Variants in VWF observed in about 807,000 individuals in gnomAD.
VWF encodes von Willebrand factor, also known as Factor VIII related antigen.
In VWF, 176 loss-of-function variants were observed where a neutral mutation model predicts 308.6. That is an observed-to-expected ratio of 0.57 (90% CI 0.50 to 0.65). The LOEUF (loss-of-function observed/expected upper bound fraction) is 0.65, where lower values mean the gene tolerates loss of function less well. Ranked by LOEUF, VWF falls within the 30% of genes least tolerant of loss-of-function variation. VWF has a pLI of 0.00. For synonymous variants in VWF, 1,385 were observed against 1,443.4 expected (o/e 0.96, Z 0.92); for missense variants, 3,146 against 3,648.2 (o/e 0.86, Z 3.55).
chr12:6,042,858 C>T (rs965816664), intron 18 of VWF, among the ~76,000 whole-genome samples: 2 of 152,182 alleles, frequency 1.3e-5, no homozygotes, highest in Admixed American at 6.5e-5. Context: ...CCGATGCTGA[C>T]ATAGTCCTCT....
rs990713039 is a variant in VWF at position 5,949,037 on chromosome 12, G to T, written c.8420C>A (p.Ser2807Tyr). ...GCCTCACTTGCTGCACTTCCTGGGG[G>T]AGCATTTGCACTCCATGGCATTGAG... is the stretch of plus-strand genomic sequence containing the variant. ...EVLNAMECKCSPRKCSK is the reference protein window; with the variant it reads ...EVLNAMECKCYPRKCSK The change falls in exon 52 of 52, where the codon TCC becomes TAC. Residue 2807 changes from serine (S) to tyrosine (Y), a missense_variant. Physicochemically the swap from Ser to Tyr is moderately radical, Grantham distance 144. This residue lies in a region of VWF where 989 missense variants were observed against 1,117.4 expected (regional missense o/e 0.89). Coordinates refer to ENST00000261405, the MANE Select transcript of VWF (RefSeq NM_000552.5). 1.2e-6 allele frequency: 2 copies of T among 1,613,696 alleles called. No individual in the cohort carries two copies. Among genetic ancestry groups the T allele is most frequent in the Non-Finnish European group, 1.7e-6 (2 of 1,179,848 alleles).
intron 8 of VWF, among the ~76,000 whole-genome samples, chr12:6,072,866 A>G (rs1055758814): frequency 3.5e-5 from 3 of 86,290 alleles, no homozygotes; most frequent in Non-Finnish European, 6.6e-5. Context: ...CTCACTCTCA[A>G]TAACTTTTTT....
At chr12:5,961,464 A>G (rs1311688103) in intron 47 of VWF, among the ~76,000 whole-genome samples, 1 of 151,608 alleles carries the variant, frequency 6.6e-6, no homozygotes, top group East Asian at 1.9e-4. Flanking sequence ...TGATTATATT[A>G]GCCAGTTTGA....
intron 6 of VWF, among the ~76,000 whole-genome samples, chr12:6,092,628 T>TGAGAGAGAGAGAGAGAGAGAGA (rs1565386731): frequency 8.0e-4 from 64 of 80,224 alleles, no homozygotes; most frequent in African/African-American, 4.4e-3. Flanking sequence ...AGTGTGTGTG[T>TGAGAGAGAGAGAGAGAGAGAGA]GTGTGTGTGT....
chr12:6,055,467 T>C (rs1275650572), intron 15 of VWF, among the ~76,000 whole-genome samples: 3 of 152,164 alleles, frequency 2.0e-5, no homozygotes, highest in Non-Finnish European at 2.9e-5. Flanking sequence ...CCAGACCCAG[T>C]TGTCCCAGCC....
chr12:5,968,405 C>A (rs190978454), intron 45 of VWF, among the ~76,000 whole-genome samples: 4 of 152,100 alleles, frequency 2.6e-5, no homozygotes, highest in Non-Finnish European at 5.9e-5. Flanking sequence ...CAAGTGACAG[C>A]GCTTGCTTAT....
At position 6,063,256 on chromosome 12, in the gene VWF, T is replaced by A. The variant is rs1268657117; in HGVS notation, c.1433-202A>T. ...CAAGGTGGACAGAGCGCAAATAGGG[T>A]CCCCCAGGAAGAAGCCTCTGCACCC... On this transcript the variant is annotated intron_variant, in intron 12 of 51. Coordinates refer to ENST00000261405, the MANE Select transcript of VWF (RefSeq NM_000552.5). This position sits in a 1 kb window ranked among gnomAD's most constrained non-coding sequence, Gnocchi z 4.9. Among the ~76,000 whole-genome samples the A allele has an allele frequency of 6.6e-6, 1 of 151,518 alleles. No homozygotes were observed. Among genetic ancestry groups the A allele is most frequent in the Non-Finnish European group, 1.5e-5 (1 of 67,852 alleles).
chr12:5,952,994 C>T (rs11063952), intron 48 of VWF, among the ~76,000 whole-genome samples: 13,448 of 152,074 alleles, frequency 0.088, 1,838 homozygotes, highest in African/African-American at 0.29. Context: ...TTTGGGAGGC[C>T]GAGGTGGGCG....
At chr12:6,110,253 A>C in intron 5 of VWF, 121 bp downstream of exon 5, 1 of 1,066,062 alleles carries the variant, frequency 9.4e-7, no homozygotes, top group Non-Finnish European at 1.5e-6. Flanking sequence ...TGGCAACATA[A>C]ATTGAGGTGA....
At position 6,056,232 on chromosome 12, in the gene VWF, C is replaced by CTGGG; in HGVS notation, c.1945+624_1945+625insCCCA. 1.5e-5 allele frequency among the ~76,000 whole-genome samples: 2 copies of CTGGG among 135,770 alleles called. 1 individual carries two copies. The allele number at this position is 135,770 out of a possible 152,430, so 89.1% of individuals were successfully genotyped here. ...GTTCCACATCATCACTGTTGCCCGA[C>CTGGG]CACACTGGGCATGCAGCAAATGTCC... On this transcript the variant is annotated intron_variant, in intron 15 of 51. Transcript: ENST00000261405.
chr12:6,056,363 T>C (rs12315340), intron 15 of VWF, among the ~76,000 whole-genome samples: 9,777 of 149,906 alleles, frequency 0.065, 842 homozygotes, highest in African/African-American at 0.2. Context: ...GGGACAGTGA[T>C]GTAATTCACC....
chr12:6,094,825 G>T (rs1289786743), intron 6 of VWF, among the ~76,000 whole-genome samples: 1 of 151,022 alleles, frequency 6.6e-6, no homozygotes, highest in Non-Finnish European at 1.5e-5. Context: ...CAATTCTCCT[G>T]CCTCAGCCTC....
At chr12:6,108,980 CAAA>C (rs748182676) in intron 5 of VWF, among the ~76,000 whole-genome samples, 2 of 63,824 alleles carry the variant, frequency 3.1e-5, no homozygotes, top group Non-Finnish European at 6.5e-5. Flanking sequence ...GACTCCGTCT[CAAA>C]AAAAAAAAAA....
intron 14 of VWF, among the ~76,000 whole-genome samples, chr12:6,057,548 C>G (rs369410803): frequency 1.4e-5 from 2 of 146,410 alleles, no homozygotes; most frequent in African/African-American, 5.0e-5. Flanking sequence ...TGGGGGCTCC[C>G]TACGTTGCCC....
chr12:6,109,831 T>C (rs1410132739), intron 5 of VWF, among the ~76,000 whole-genome samples: 2 of 152,186 alleles, frequency 1.3e-5, no homozygotes, highest in Non-Finnish European at 2.9e-5. Flanking sequence ...TCTGTATTTT[T>C]AGTAGAGACA....
intron 47 of VWF, among the ~76,000 whole-genome samples, chr12:5,954,983 T>C (rs548544426): frequency 9.2e-5 from 14 of 152,312 alleles, no homozygotes; most frequent in Admixed American, 8.5e-4. Flanking sequence ...TCAAGACTTC[T>C]ATAGTTCAAA....
chr12:5,961,070 T>C (rs1378409112), intron 47 of VWF, among the ~76,000 whole-genome samples: 1 of 152,180 alleles, frequency 6.6e-6, no homozygotes, highest in East Asian at 1.9e-4. Flanking sequence ...GGGATCCAGG[T>C]TGCGTGCTCC....
rs912315347 is a variant in VWF, at chr12:6,072,689, G to A, written c.998-247C>T. ...TCCAGTAGGGGAGGCACAAGTCTGG[G>A]CTTAGGGCTTCTTCCAGGAAGCTCA... On this transcript the variant is annotated intron_variant, in intron 8 of 51. Transcript: ENST00000261405. 4.6e-5 allele frequency among the ~76,000 whole-genome samples: 7 copies of A among 152,216 alleles called. No individual in the cohort carries two copies. In the Middle Eastern group the frequency reaches 0.01, roughly 222 times the overall value.
At chr12:6,062,724 C>G (rs990816292) in intron 13 of VWF, among the ~76,000 whole-genome samples, 2 of 152,134 alleles carry the variant, frequency 1.3e-5, no homozygotes, top group African/African-American at 4.8e-5. Context: ...AGTCTAGAGG[C>G]CCTTGGGATA....
Sources: gnomAD v4.1 joint callset for allele counts (sites outside exome capture counted in the v4.1 genomes callset) on GRCh38, gnomAD v4.1.1 for gene constraint, gnomAD v4.1.1 regional missense constraint, Gnocchi (gnomAD v3.1) non-coding constraint, MANE v1.5 for transcripts, NCBI Gene and HGNC (gene_info 2026-07-23, HGNC 2026-07-21) for gene names.